Variants in FBXO42 observed in about 807,000 individuals in gnomAD.
FBXO42 encodes F-box protein 42, also known as F-box only protein 42.
A neutral mutation model predicts 71.7 loss-of-function variants in FBXO42; 12 were observed. The observed-to-expected ratio is 0.17, with a 90% CI of 0.11 to 0.27. The LOEUF (loss-of-function observed/expected upper bound fraction) is 0.27, where lower values mean the gene tolerates loss of function less well. Among genes scored for constraint, FBXO42 ranks in the 10% least tolerant of loss-of-function variants. The pLI is 1.00. For synonymous variants in FBXO42, 325 were observed against 327.5 expected (o/e 0.99, Z 0.08); for missense variants, 707 against 911.9 (o/e 0.78, Z 2.89).
intron 4 of FBXO42, among the ~76,000 whole-genome samples, chr1:16,286,484 C>T (rs2082023804): frequency 6.6e-6 from 1 of 152,160 alleles, no homozygotes; most frequent in Middle Eastern, 3.2e-3. Context: ...ATGAGAACAG[C>T]ATGGGCGAAC....
intron 1 of FBXO42, among the ~76,000 whole-genome samples, chr1:16,339,303 T>C (rs1206499626): frequency 1.3e-5 from 2 of 152,090 alleles, no homozygotes; most frequent in Admixed American, 6.6e-5. Context: ...TATTTCATAT[T>C]GTTATAGTTT....
intron 4 of FBXO42, among the ~76,000 whole-genome samples, chr1:16,286,256 C>T (rs1425562321): frequency 2.0e-5 from 3 of 152,124 alleles, no homozygotes; most frequent in African/African-American, 7.2e-5. Context: ...TCTATTCTCA[C>T]AGTGCTATGA....
At position 16,317,601 on chromosome 1, in the gene FBXO42, GCAAACAAACAAA is replaced by G. The variant is rs35197526; in HGVS notation, c.-17-2178_-17-2167del. Among the ~76,000 whole-genome samples the G allele has an allele frequency of 1.0e-3, 158 of 150,862 alleles. 1 individual carries two copies. Among genetic ancestry groups the G allele is most frequent in the African/African-American group, 3.4e-3 (139 of 41,076 alleles). ...TACAGCAAGACTCCATCTCAAACAA[GCAAACAAACAAA>G]CAAACAAACAAACAGAAGACAGAAG... is the stretch of plus-strand genomic sequence containing the variant. On this transcript the variant is annotated intron_variant, in intron 1 of 9. Transcript: ENST00000375592.
At chr1:16,274,334 AAAG>A (rs1210885335) in intron 4 of FBXO42, among the ~76,000 whole-genome samples, 1 of 151,984 alleles carries the variant, frequency 6.6e-6, no homozygotes, top group Non-Finnish European at 1.5e-5. Context: ...AAAGAAAAGA[AAAG>A]AAAAAAAGAA....
chr1:16,305,663 G>A, intron 3 of FBXO42, 140 bp downstream of exon 3: 1 of 703,926 alleles, frequency 1.4e-6, no homozygotes, highest in Non-Finnish European at 2.5e-6. Flanking sequence ...GTAGTAAGCT[G>A]TGATTATGCC....
intron 4 of FBXO42, among the ~76,000 whole-genome samples, chr1:16,259,909 T>A (rs1046882791): frequency 6.6e-6 from 1 of 152,232 alleles, no homozygotes; most frequent in African/African-American, 2.4e-5. Context: ...ACTTTAGATC[T>A]GTACTGCCCA....
intron 1 of FBXO42, among the ~76,000 whole-genome samples, chr1:16,334,384 G>T (rs2082530627): frequency 7.6e-6 from 1 of 130,946 alleles, no homozygotes; most frequent in Admixed American, 9.3e-5. Flanking sequence ...AGTGAGCGGA[G>T]ATCGAGCCTG....
intron 1 of FBXO42, among the ~76,000 whole-genome samples, chr1:16,350,774 A>G (rs2082696053): frequency 6.7e-6 from 1 of 148,402 alleles, no homozygotes; most frequent in Admixed American, 6.8e-5. Context: ...AGAAAGAAAG[A>G]AAGAAAGAAA....
chr1:16,285,311 T>C (rs548828988), intron 4 of FBXO42, among the ~76,000 whole-genome samples: 8 of 152,092 alleles, frequency 5.3e-5, no homozygotes, highest in South Asian at 4.2e-4. Context: ...CCATGCTCTG[T>C]TGCCCAGGCT....
In FBXO42 at chr1:16,251,065, A is replaced by G. The variant is rs770273430; in HGVS notation, c.1759T>C (p.Ser587Pro). Residue 587 changes from serine (S) to proline (P), a missense_variant, in exon 10 of 10, where the codon TCT (serine) becomes CCT (proline). By Grantham distance (74) the Ser-to-Pro change is moderately conservative (BLOSUM62 -1). Around this residue, in one of 5 missense-constraint regions of FBXO42, gnomAD observed 482 missense variants for 587.1 expected, o/e 0.82. Coordinates refer to ENST00000375592, the MANE Select transcript of FBXO42 (RefSeq NM_018994.3). This position sits in a 1 kb window ranked among gnomAD's most constrained non-coding sequence, Gnocchi z 4.5. Reference sequence around the variant, plus strand: ...CTGCTCAAACTCTGGCTCCCAGGAGAGCCTGGAGAAGACCCAAGAGGAGGA... The same window carrying G: ...CTGCTCAAACTCTGGCTCCCAGGAGGGCCTGGAGAAGACCCAAGAGGAGGA... ...LSPPLGSSPG[S>P]PGSQSLSSGE... is the part of the protein sequence containing the mutation. 8 of 1,613,940 alleles carry G rather than the reference A, an allele frequency of 5.0e-6. No individual in the cohort carries two copies. The Admixed American group carries it at 5.0e-5, about 10-fold the overall frequency.
intron 4 of FBXO42, among the ~76,000 whole-genome samples, chr1:16,259,026 C>T (rs2081680835): frequency 6.6e-6 from 1 of 152,202 alleles, no homozygotes; most frequent in African/African-American, 2.4e-5. Flanking sequence ...AGGCATTACC[C>T]ACCTCACCCA....
chr1:16,277,258 T>C (rs2081913633), intron 4 of FBXO42, among the ~76,000 whole-genome samples: 2 of 152,204 alleles, frequency 1.3e-5, no homozygotes, highest in African/African-American at 4.8e-5. Context: ...TGCCACAAGA[T>C]TTGGCATTCT....
intron 6 of FBXO42, 23 bp downstream of exon 6, chr1:16,255,688 T>C (rs915258024): frequency 3.1e-6 from 5 of 1,595,942 alleles, no homozygotes; most frequent in Non-Finnish European, 3.4e-6. Flanking sequence ...CAGGCTCATA[T>C]GGAGCAAACC....
At chr1:16,279,298 T>G (rs900395020) in intron 4 of FBXO42, among the ~76,000 whole-genome samples, 3 of 152,150 alleles carry the variant, frequency 2.0e-5, no homozygotes, top group African/African-American at 7.2e-5. Context: ...CAACGGAGCT[T>G]CTAACTCTGG....
rs1313479920 is a variant in FBXO42, at chr1:16,248,789, A to AT, written c.*1880dup. On this transcript the variant is annotated 3_prime_UTR_variant, in exon 10 of 10. Transcript: ENST00000375592. The stretch of plus-strand genomic sequence containing the variant: ...GGAGCTCCAAGCAGTTGGATGCCAC[A>AT]TAAGTAGACACATGTTGTTTCCTCA... 3.3e-5 allele frequency: 5 copies of AT among 152,292 alleles called. No individual in the cohort carries two copies. 9.4% of individuals were successfully genotyped at this position (152,292 alleles called of 1,614,324 possible).
intron 1 of FBXO42, among the ~76,000 whole-genome samples, chr1:16,333,460 G>GA (rs1331904192): frequency 9.1e-5 from 12 of 131,834 alleles, no homozygotes; most frequent in South Asian, 2.4e-4. Flanking sequence ...TTTCCAAGAA[G>GA]AAAAAAAAAA....
chr1:16,348,739 T>C (rs2082674830), intron 1 of FBXO42, among the ~76,000 whole-genome samples: 1 of 152,132 alleles, frequency 6.6e-6, no homozygotes, highest in African/African-American at 2.4e-5. Context: ...AGTGTAATTC[T>C]CACTTAAGCG....
intron 1 of FBXO42, among the ~76,000 whole-genome samples, chr1:16,328,867 G>C (rs958058349): frequency 2.6e-5 from 4 of 152,018 alleles, no homozygotes; most frequent in African/African-American, 9.7e-5. Flanking sequence ...CAAAACAAAA[G>C]AAAATTGATG....
At chr1:16,334,615 A>C (rs1035487124) in intron 1 of FBXO42, among the ~76,000 whole-genome samples, 2 of 152,110 alleles carry the variant, frequency 1.3e-5, no homozygotes, top group African/African-American at 4.8e-5. Flanking sequence ...ATCAGTTTAC[A>C]AACTAAAATT....
Sources: allele counts gnomAD v4.1 joint callset (sites outside exome capture counted in the v4.1 genomes callset), GRCh38; gene constraint gnomAD v4.1.1; regional missense constraint gnomAD v4.1.1; non-coding constraint Gnocchi (gnomAD v3.1); transcripts MANE v1.5; gene names NCBI Gene and HGNC (gene_info 2026-07-23, HGNC 2026-07-21).